The following FAM221A variants were observed in gnomAD, a reference collection of about 807,000 sequenced individuals.
FAM221A encodes the protein protein FAM221A.
Under a neutral mutation model 37.6 loss-of-function variants are expected in FAM221A, and 43 were observed. That is an observed-to-expected ratio of 1.15 (90% CI 0.90 to 1.48). FAM221A has a LOEUF of 1.48. FAM221A is among the 40% of genes most tolerant of loss of function. The pLI is 0.00. For synonymous variants in FAM221A, 135 were observed against 132.9 expected (o/e 1.02, Z -0.11); for missense variants, 361 against 361.5 (o/e 1.00, Z 0.01).
intron 5 of FAM221A, among the ~76,000 whole-genome samples, 191 bp from the exon 6 acceptor site, chr7:23,700,595 A>C (rs1469132483): frequency 6.6e-6 from 1 of 152,234 alleles, no homozygotes; most frequent in African/African-American, 2.4e-5. Context: ...TTGCTAGTGA[A>C]AAACACTTTT....
intron 2 of FAM221A, 103 bp downstream of exon 2, chr7:23,684,775 C>T (rs1228535161): frequency 3.6e-6 from 4 of 1,096,676 alleles, no homozygotes; most frequent in Admixed American, 5.5e-5. Flanking sequence ...TAACAATTGT[C>T]CTTTATATAG....
At chr7:23,694,949 T>C (rs938484198) in intron 4 of FAM221A, 2 of 152,236 alleles carry the variant, frequency 1.3e-5, no homozygotes, top group Non-Finnish European at 2.9e-5. Context: ...TGAGATCACA[T>C]TGAATATGTA....
At chr7:23,688,133 C>T (rs1784475898) in intron 2 of FAM221A, 1 of 151,976 alleles carries the variant, frequency 6.6e-6, no homozygotes, top group Non-Finnish European at 1.5e-5. Flanking sequence ...CAAGCTCCGC[C>T]TCCCGGGTTC....
chr7:23,682,276 G>A (rs1784085016), intron 1 of FAM221A, among the ~76,000 whole-genome samples: 1 of 151,524 alleles, frequency 6.6e-6, no homozygotes, highest in African/African-American at 2.4e-5. Flanking sequence ...AGGATGCCCA[G>A]GCTCATCTTG....
At chr7:23,681,947 G>A (rs1477041120) in intron 1 of FAM221A, among the ~76,000 whole-genome samples, 1 of 152,134 alleles carries the variant, frequency 6.6e-6, no homozygotes, top group African/African-American at 2.4e-5. Context: ...GTACTTCGGT[G>A]GGAGTCGGTT....
At chr7:23,682,478 C>T (rs1453862187) in intron 1 of FAM221A, among the ~76,000 whole-genome samples, 1 of 148,814 alleles carries the variant, frequency 6.7e-6, no homozygotes, top group Non-Finnish European at 1.5e-5. Flanking sequence ...GCTGCCCAGG[C>T]TGGAGTGCAG....
rs774313037 is a variant in FAM221A, at chr7:23,690,199, A to ATATTTTTTTTTT, written c.430+741_430+742insATTTTTTTTTTT. On this transcript the variant is annotated intron_variant, in intron 3 of 6. Transcript: ENST00000344962. Reference sequence around the variant, plus strand: ...TATATATATATATATATATATATATATTTTTTTTTTTTTTAATAGAGTTTT... The same window carrying ATATTTTTTTTTT: ...TATATATATATATATATATATATATATATTTTTTTTTTTTTTTTTTTTTTTTAATAGAGTTTT... Among the ~76,000 whole-genome samples the ATATTTTTTTTTT allele has an allele frequency of 4.9e-4, 24 of 48,734 alleles. No homozygotes were observed. In the East Asian group the frequency reaches 5.1e-3, roughly 10 times the overall value. 32.0% of individuals were successfully genotyped at this position (48,734 alleles called of 152,430 possible).
At chr7:23,681,771 C>A (rs1784056991) in intron 1 of FAM221A, among the ~76,000 whole-genome samples, 1 of 152,076 alleles carries the variant, frequency 6.6e-6, no homozygotes, top group Non-Finnish European at 1.5e-5. Flanking sequence ...ATTATCAGGT[C>A]CTTTACTGAC....
chr7:23,691,213 A>C (rs10254411), intron 3 of FAM221A, among the ~76,000 whole-genome samples, 177 bp from the exon 4 acceptor site: 20,647 of 151,240 alleles, frequency 0.14, 1,596 homozygotes, highest in Middle Eastern at 0.2. Context: ...GTATCTGGTT[A>C]CTACTTCGGC....
intron 5 of FAM221A, among the ~76,000 whole-genome samples, chr7:23,699,898 GC>G (rs1405629340): frequency 1.3e-5 from 2 of 152,068 alleles, no homozygotes; most frequent in Non-Finnish European, 2.9e-5. Flanking sequence ...ATGGTAATAT[GC>G]CATTATAATG....
rs1554279673 is a variant in FAM221A at position 23,699,300 on chromosome 7, T to TGC, written c.745+1001_745+1002insGC. ...CTGGGTAATTAAAAAAACTTTTTTTTTGCAGCAGCAGGGTCTTGCTATGTT... is the reference window on the plus strand; with the variant it reads ...CTGGGTAATTAAAAAAACTTTTTTTTGCTGCAGCAGCAGGGTCTTGCTATGTT... On this transcript the variant is annotated intron_variant, in intron 5 of 6. Transcript: ENST00000344962. Among the ~76,000 whole-genome samples, 296 of 53,772 alleles carry TGC rather than the reference T, an allele frequency of 5.5e-3. 1 individual carries two copies. Among genetic ancestry groups the TGC allele is most frequent in the African/African-American group, 0.015 (284 of 18,750 alleles). The allele number at this position is 53,772 out of a possible 152,430, so 35.3% of individuals were successfully genotyped here.
chr7:23,695,122 G>A (rs919827661), intron 4 of FAM221A, among the ~76,000 whole-genome samples: 3 of 151,534 alleles, frequency 2.0e-5, no homozygotes, highest in Non-Finnish European at 4.4e-5. Flanking sequence ...GCGCATGCCA[G>A]TATGCCTGGC....
chr7:23,683,764 C>T (rs1172721472), intron 1 of FAM221A, among the ~76,000 whole-genome samples: 3 of 152,062 alleles, frequency 2.0e-5, no homozygotes, highest in South Asian at 2.1e-4. Flanking sequence ...TGGATCAAAC[C>T]GATAGTTGGG....
chr7:23,696,805 G>A (rs533726714), intron 4 of FAM221A, among the ~76,000 whole-genome samples: 3 of 152,312 alleles, frequency 2.0e-5, no homozygotes, highest in African/African-American at 7.2e-5. Context: ...CCTAGGGACA[G>A]AGGGACTCCA....
At chr7:23,698,171 C>A in intron 4 of FAM221A, 21 bp from the exon 5 acceptor site, 2 of 1,205,586 alleles carry the variant, frequency 1.7e-6, no homozygotes, top group Middle Eastern at 1.9e-4. Context: ...AATTTTTATT[C>A]TCCATGTATT....
intron 1 of FAM221A, among the ~76,000 whole-genome samples, chr7:23,681,649 C>T (rs1302572677): frequency 1.3e-5 from 2 of 152,182 alleles, no homozygotes; most frequent in Non-Finnish European, 2.9e-5. Flanking sequence ...CTCAAGCTAT[C>T]CACCTGCCTC....
chr7:23,686,917 C>G (rs1784408997), intron 2 of FAM221A: 1 of 152,216 alleles, frequency 6.6e-6, no homozygotes, highest in Non-Finnish European at 1.5e-5. Flanking sequence ...TCCTGAGTAG[C>G]TGGGATTACA....
chr7:23,680,251 G>A lies in FAM221A; in HGVS notation c.33G>A (p.Ala11=), dbSNP rs763458435. 1.5e-5 allele frequency: 24 copies of A among 1,549,036 alleles called. No homozygotes were observed. Among genetic ancestry groups the A allele is most frequent in the South Asian group, 1.2e-4 (10 of 84,006 alleles). Residue 11 remains alanine, a synonymous_variant, in exon 1 of 7, where the codon GCG becomes GCA. Coordinates refer to ENST00000344962, the MANE Select transcript of FAM221A (RefSeq NM_199136.5). ...GGTTGACGTTGCCTCTCGGCGGCGC[G>A]GCGGCGGTGGACGAGTACCTGGAGT... MERLTLPLGG[A]AAVDEYLEYR...
intron 2 of FAM221A, chr7:23,686,623 G>A (rs1784388880): frequency 1.9e-5 from 3 of 158,614 alleles, no homozygotes; most frequent in Admixed American, 1.9e-4. Context: ...CACTCAGTGA[G>A]ATTTCTTCCA....
Sources: allele counts gnomAD v4.1 joint callset (sites outside exome capture counted in the v4.1 genomes callset), GRCh38; gene constraint gnomAD v4.1.1; transcripts MANE v1.5; gene names NCBI Gene and HGNC (gene_info 2026-07-23, HGNC 2026-07-21).